RNF14: variants seen among roughly 807,000 people sequenced by gnomAD.
RNF14 encodes ring finger protein 14.
RNF14 carries 26 observed loss-of-function variants against 52.6 expected under a neutral mutation model. The observed-to-expected ratio is 0.49, with a 90% CI of 0.36 to 0.69. The LOEUF (loss-of-function observed/expected upper bound fraction) is 0.69. RNF14 is among the 30% of genes least tolerant of loss of function. The pLI is 0.00. For synonymous variants in RNF14, 194 were observed against 202.0 expected (o/e 0.96, Z 0.34); for missense variants, 404 against 560.4 (o/e 0.72, Z 2.82).
At chr5:141,954,108 A>G (rs1753136205), upstream of RNF14, among the ~76,000 whole-genome samples, 1 of 114,626 alleles carries the variant, frequency 8.7e-6, no homozygotes, top group Non-Finnish European at 1.9e-5. Flanking sequence ...CATAATCCCC[A>G]TTTTATAGAT....
chr5:141,973,211 A>C, intron 2 of RNF14, among the ~76,000 whole-genome samples: 1 of 150,798 alleles, frequency 6.6e-6, no homozygotes, highest in Non-Finnish European at 1.5e-5. Flanking sequence ...TGTGCCATTA[A>C]GCTTTTTCCA....
chr5:141,967,609 G>GGTGGCA (rs1262950372), upstream of RNF14, among the ~76,000 whole-genome samples: 3 of 152,174 alleles, frequency 2.0e-5, no homozygotes, highest in Non-Finnish European at 4.4e-5. Context: ...AATCCTGCCC[G>GGTGGCA]GGAGGCAATG....
At chr5:141,955,344 C>T (rs199668488), upstream of RNF14, 1,091 of 1,614,162 alleles carry the variant, frequency 6.8e-4, 16 homozygotes, top group South Asian at 0.011. This position sits in a 1 kb window ranked among gnomAD's most constrained non-coding sequence, Gnocchi z 5.5. Flanking sequence ...CTCGGCTCTC[C>T]GCCGGTGCTC....
chr5:141,966,030 C>T (rs1212151342), upstream of RNF14, among the ~76,000 whole-genome samples: 1 of 150,878 alleles, frequency 6.6e-6, no homozygotes, highest in Non-Finnish European at 1.5e-5. Context: ...TCTGTAGTCG[C>T]GGCACTTTGG....
chr5:141,977,450 T>TA (rs1198971902), intron 4 of RNF14, among the ~76,000 whole-genome samples: 1 of 152,236 alleles, frequency 6.6e-6, no homozygotes, highest in African/African-American at 2.4e-5. Flanking sequence ...GATGTTTACC[T>TA]AAAAAAGAAA....
At chr5:141,955,760 T>C (rs1342754909), upstream of RNF14, 2 of 1,613,932 alleles carry the variant, frequency 1.2e-6, no homozygotes, top group South Asian at 2.2e-5. This position sits in a 1 kb window ranked among gnomAD's most constrained non-coding sequence, Gnocchi z 5.5. Flanking sequence ...TGGTCCACAC[T>C]GGTGACAAAC....
chr5:141,960,517 T>C (rs1035837755), intron 1 of RNF14, among the ~76,000 whole-genome samples: 1 of 152,168 alleles, frequency 6.6e-6, no homozygotes, highest in African/African-American at 2.4e-5. Flanking sequence ...GGAGGAAGGT[T>C]GGGCAGGGGA....
chr5:141,957,543 G>A, upstream of RNF14: 2 of 1,614,220 alleles, frequency 1.2e-6, no homozygotes, highest in Non-Finnish European at 1.7e-6. The surrounding 1 kb of genome is among the most constrained non-coding windows in gnomAD (Gnocchi z 4.3). Flanking sequence ...AAACCAGGCA[G>A]GGATCCCACT....
chr5:141,961,009 C>G lies in RNF14; in HGVS notation c.-181+2584C>G, dbSNP rs146299630. Among the ~76,000 whole-genome samples, 429 of 152,216 alleles carry G rather than the reference C, an allele frequency of 2.8e-3. 1 individual carries two copies. Among genetic ancestry groups the G allele is most frequent in the African/African-American group, 9.1e-3 (379 of 41,514 alleles). ...TCATAAATATCCACAGCTCCAGCCC[C>G]GTGCTACACAGAAGAATACAACAGG... On this transcript the variant is annotated intron_variant, in intron 1 of 4. Transcript: ENST00000506822.
upstream of RNF14, chr5:141,955,206 A>G: frequency 6.2e-7 from 1 of 1,614,154 alleles, no homozygotes; most frequent in Non-Finnish European, 8.5e-7. The surrounding 1 kb of genome is among the most constrained non-coding windows in gnomAD (Gnocchi z 5.5). Flanking sequence ...GGCTGCCTGC[A>G]ACCTTCAGAG....
chr5:141,964,995 T>C (rs1753310212), upstream of RNF14, among the ~76,000 whole-genome samples: 2 of 151,868 alleles, frequency 1.3e-5, no homozygotes, highest in African/African-American at 4.8e-5. Context: ...ACTTTTAAGA[T>C]CTACATGATG....
chr5:141,958,163 T>A (rs1407751396), upstream of RNF14: 1 of 329,870 alleles, frequency 3.0e-6, no homozygotes, highest in African/African-American at 2.1e-5. Flanking sequence ...CTGACCCAGT[T>A]GAGCAGGATG....
intron 1 of RNF14, among the ~76,000 whole-genome samples, chr5:141,960,405 G>A (rs899750625): frequency 6.6e-6 from 1 of 152,236 alleles, no homozygotes; most frequent in African/African-American, 2.4e-5. Flanking sequence ...TGAATAGGCA[G>A]GAGACAGGCA....
At chr5:141,966,342 G>A (rs187781474), upstream of RNF14, among the ~76,000 whole-genome samples, 5 of 152,138 alleles carry the variant, frequency 3.3e-5, no homozygotes, top group Admixed American at 3.3e-4. Flanking sequence ...TTATGACATT[G>A]CTGTCTTTTA....
intron 7 of RNF14, among the ~76,000 whole-genome samples, chr5:141,984,101 CTTTTT>C (rs201857998): frequency 2.9e-5 from 4 of 136,658 alleles, no homozygotes; most frequent in African/African-American, 8.1e-5. Flanking sequence ...TATGTAATCA[CTTTTT>C]TTTTTTTTTT....
rs1281244245 is a variant in RNF14, at chr5:141,983,633, T to G, written c.1236+81T>G. ...ACCTTAAGAAGCCTTACTAGTCAAT[T>G]TTATGACTTACAAAACACATGCTGG... On this transcript the variant is annotated intron_variant, in intron 7 of 8. Transcript: ENST00000394520. 11 of 1,233,470 alleles carry G rather than the reference T, an allele frequency of 8.9e-6. No homozygotes were observed. The South Asian group carries it at 1.3e-4, about 14-fold the overall frequency. 76.4% of individuals were successfully genotyped at this position (1,233,470 alleles called of 1,614,324 possible).
intron 4 of RNF14, among the ~76,000 whole-genome samples, chr5:141,977,577 A>C (rs1334124389): frequency 6.6e-6 from 1 of 152,220 alleles, no homozygotes; most frequent in Non-Finnish European, 1.5e-5. Context: ...ATTCCAAATA[A>C]TTTAATTTTG....
chr5:141,951,555 GC>G, the RNF14 span: 1 of 1,614,218 alleles, frequency 6.2e-7, no homozygotes, highest in Non-Finnish European at 8.5e-7. Context: ...GCTGGAATTG[GC>G]CCTGATGCAG....
At chr5:141,956,426 A>G, upstream of RNF14, 1 of 1,614,110 alleles carries the variant, frequency 6.2e-7, no homozygotes, top group Non-Finnish European at 8.5e-7. Context: ...AGGTGAAGAG[A>G]GGGTAAGTTG....
Sources: allele counts gnomAD v4.1 joint callset (sites outside exome capture counted in the v4.1 genomes callset), GRCh38; gene constraint gnomAD v4.1.1; non-coding constraint Gnocchi (gnomAD v3.1); transcripts MANE v1.5; gene names NCBI Gene and HGNC (gene_info 2026-07-23, HGNC 2026-07-21).